Variants in NAF1 observed in about 807,000 individuals in gnomAD.
NAF1 encodes nuclear assembly factor 1 ribonucleoprotein, also known as H/ACA ribonucleoprotein complex non-core subunit NAF1.
Under a neutral mutation model 40.6 loss-of-function variants are expected in NAF1, and 11 were observed. That is an observed-to-expected ratio of 0.27 (90% CI 0.17 to 0.45). The LOEUF (loss-of-function observed/expected upper bound fraction) is 0.45, where lower values mean the gene tolerates loss of function less well. Among genes scored for constraint, NAF1 ranks in the 20% least tolerant of loss-of-function variants. The pLI is 1.00. For synonymous variants in NAF1, 260 were observed against 228.5 expected (o/e 1.14, Z -1.24); for missense variants, 607 against 611.1 (o/e 0.99, Z 0.07).
At chr4:163,110,455 A>G (rs1011449721) in intron 2 of NAF1, among the ~76,000 whole-genome samples, 2 of 152,164 alleles carry the variant, frequency 1.3e-5, no homozygotes, top group Non-Finnish European at 2.9e-5. Flanking sequence ...GTATGTAAGT[A>G]TAGGAAAAAT....
At chr4:163,137,346 A>G (rs1731100281) in intron 5 of NAF1, 96 bp from the exon 6 acceptor site, 1 of 1,323,462 alleles carries the variant, frequency 7.6e-7, no homozygotes, top group African/African-American at 1.5e-5. Context: ...AGTAAAGGAC[A>G]TGAGTTCAAC....
At chr4:163,115,587 A>T (rs1487974374) in intron 2 of NAF1, among the ~76,000 whole-genome samples, 3 of 152,132 alleles carry the variant, frequency 2.0e-5, no homozygotes, top group African/African-American at 7.2e-5. Flanking sequence ...TCAAAATAGT[A>T]TTCTTAATTT....
chr4:163,112,085 A>C (rs1215074694), intron 2 of NAF1, among the ~76,000 whole-genome samples: 1 of 152,146 alleles, frequency 6.6e-6, no homozygotes, highest in African/African-American at 2.4e-5. Flanking sequence ...TTTGCAAAAG[A>C]AAGCAGAACA....
At chr4:163,147,600 A>C (rs1204057975) in intron 3 of NAF1, among the ~76,000 whole-genome samples, 6 of 152,236 alleles carry the variant, frequency 3.9e-5, no homozygotes, top group Admixed American at 2.6e-4. Context: ...CATGTTTTTA[A>C]GACAAAATCA....
At chr4:163,127,770 T>C (rs1730710251), downstream of NAF1, among the ~76,000 whole-genome samples, 1 of 152,150 alleles carries the variant, frequency 6.6e-6, no homozygotes, top group Admixed American at 6.5e-5. Context: ...AGTGGGGCCT[T>C]AGTGCAACCA....
Position 163,133,137 on chromosome 4 carries a change from A to C in NAF1, c.1033+17T>G. 1 of 1,571,622 alleles carries C rather than the reference A, an allele frequency of 6.4e-7. No homozygotes were observed. Among genetic ancestry groups the C allele is most frequent in the Non-Finnish European group, 8.8e-7 (1 of 1,141,932 alleles). ...AAATGAAGATAAAGAACGAGTATAT[A>C]TATTGTATTCACTCACCAGGCTCAT... On this transcript the variant is annotated intron_variant, in intron 7 of 7. Transcript: ENST00000274054.
intron 2 of NAF1, among the ~76,000 whole-genome samples, chr4:163,158,976 T>G (rs1018813914): frequency 1.3e-5 from 2 of 152,144 alleles, no homozygotes; most frequent in Non-Finnish European, 1.5e-5. Context: ...TCAGCTAAAG[T>G]GTATATGCTC....
chr4:163,125,146 C>G (rs949182613), downstream of NAF1, among the ~76,000 whole-genome samples: 2 of 152,158 alleles, frequency 1.3e-5, no homozygotes, highest in East Asian at 3.9e-4. Flanking sequence ...TCTCCTCAGG[C>G]CTTCCTATTT....
At chr4:163,110,835 A>G (rs1296335761) in intron 2 of NAF1, among the ~76,000 whole-genome samples, 1 of 152,134 alleles carries the variant, frequency 6.6e-6, no homozygotes, top group Non-Finnish European at 1.5e-5. Flanking sequence ...AGTCTTAGGA[A>G]CCTGGAACTG....
In NAF1 at chr4:163,140,330, A is replaced by G. The variant is rs752369622; in HGVS notation, c.771T>C (p.Asn257=). Residue 257 remains asparagine (N), a synonymous_variant, in exon 5 of 8, where the codon AAT becomes AAC. Coordinates refer to ENST00000274054, the MANE Select transcript of NAF1 (RefSeq NM_138386.3). ...CTTTACTCTCAATGTGATCTGAAGA[A>G]TTAAACCGTAACACATAAAATGGAT... ...VAHPFYVLRF[N]SSDHIESKGI... The G allele has an allele frequency of 6.2e-7, 1 of 1,609,352 alleles. No homozygotes were observed. The highest frequency in any genetic ancestry group is 8.5e-7 in the Non-Finnish European group (1 of 1,178,328).
intron 2 of NAF1, among the ~76,000 whole-genome samples, chr4:163,160,823 T>C (rs970864012): frequency 2.0e-5 from 3 of 152,104 alleles, no homozygotes; most frequent in African/African-American, 7.2e-5. Context: ...AGTTCATTAA[T>C]TTTCTTCAGA....
chr4:163,143,515 T>C (rs1314602422), intron 4 of NAF1, among the ~76,000 whole-genome samples: 3 of 152,170 alleles, frequency 2.0e-5, no homozygotes, highest in Non-Finnish European at 2.9e-5. Context: ...GAATGAGCTG[T>C]ACTCTCCTCC....
intron 2 of NAF1, among the ~76,000 whole-genome samples, chr4:163,157,611 AAC>A (rs1453958214): frequency 2.0e-5 from 3 of 152,180 alleles, no homozygotes; most frequent in Non-Finnish European, 4.4e-5. Context: ...CTTCTGTGAT[AAC>A]AGATACTCGT....
chr4:163,129,077 G>A lies in NAF1; in HGVS notation c.1305C>T (p.Pro435=), dbSNP rs750975362. 2.5e-6 allele frequency: 4 copies of A among 1,575,256 alleles called. No individual in the cohort carries two copies. The highest frequency in any genetic ancestry group is 3.5e-6 in the Non-Finnish European group (4 of 1,156,596). The change falls in exon 8 of 8, where the codon CCC becomes CCT. Residue 435 remains proline, a synonymous_variant. Transcript: ENST00000274054. ...GTGGTGGTGGGGGTGGAGGGCGGAGGGGAAAATTATGCATGTCAAACACTG... is the reference window on the plus strand; with the variant it reads ...GTGGTGGTGGGGGTGGAGGGCGGAGAGGAAAATTATGCATGTCAAACACTG... ...PLPVFDMHNF[P]LRPPPPPPPP...
intron 2 of NAF1, among the ~76,000 whole-genome samples, chr4:163,150,126 C>T (rs185364178): frequency 3.1e-4 from 47 of 152,160 alleles, no homozygotes; most frequent in African/African-American, 1.1e-3. Context: ...GCTATTTAAC[C>T]AGCAGGAAAG....
At chr4:163,160,339 C>T (rs1732166180) in intron 2 of NAF1, among the ~76,000 whole-genome samples, 1 of 149,248 alleles carries the variant, frequency 6.7e-6, no homozygotes. Flanking sequence ...TTAACGTACC[C>T]TCACATTAAA....
intron 4 of NAF1, among the ~76,000 whole-genome samples, chr4:163,143,320 T>C (rs559239088): frequency 6.6e-6 from 1 of 152,256 alleles, no homozygotes; most frequent in Non-Finnish European, 1.5e-5. Context: ...AGCTATAATG[T>C]AGGATCTGCT....
At chr4:163,142,671 T>C (rs1276498879) in intron 4 of NAF1, among the ~76,000 whole-genome samples, 2 of 152,212 alleles carry the variant, frequency 1.3e-5, no homozygotes, top group African/African-American at 4.8e-5. Flanking sequence ...AGACAGTATG[T>C]GGCATGAGCC....
chr4:163,149,530 A>T (rs538965193), intron 2 of NAF1, among the ~76,000 whole-genome samples: 2 of 152,328 alleles, frequency 1.3e-5, no homozygotes, highest in South Asian at 4.1e-4. Flanking sequence ...ACTTATGGAG[A>T]GCAACACTAC....
Sources: gnomAD v4.1 joint callset for allele counts (sites outside exome capture counted in the v4.1 genomes callset) on GRCh38, gnomAD v4.1.1 for gene constraint, MANE v1.5 for transcripts, NCBI Gene and HGNC (gene_info 2026-07-23, HGNC 2026-07-21) for gene names.